Variants in PRKCA observed in about 807,000 individuals in gnomAD.
The protein encoded by PRKCA is protein kinase C alpha type.
Under a neutral mutation model 87.0 loss-of-function variants are expected in PRKCA, and 27 were observed. The observed-to-expected ratio is 0.31, with a 90% CI of 0.23 to 0.43. PRKCA has a LOEUF of 0.43. Ranked by LOEUF, PRKCA falls within the 20% of genes least tolerant of loss-of-function variation. The probability of loss-of-function intolerance (pLI) is 1.00; values close to 1 mark genes in which losing one functional copy is unlikely to be tolerated. For synonymous variants in PRKCA, 329 were observed against 311.1 expected, an observed-to-expected ratio of 1.06 and a Z score of -0.61; for missense variants, 518 against 852.3, an observed-to-expected ratio of 0.61 and a Z score of 4.88.
chr17:66,504,133 T>C (rs1275611737), intron 3 of PRKCA, among the ~76,000 whole-genome samples: 1 of 152,226 alleles, frequency 6.6e-6, no homozygotes, highest in Non-Finnish European at 1.5e-5. Flanking sequence ...TAAAGTTGCC[T>C]TCAGCCCCAA....
intron 3 of PRKCA, among the ~76,000 whole-genome samples, chr17:66,574,941 T>C (rs1969189779): frequency 6.6e-6 from 1 of 152,238 alleles, no homozygotes; most frequent in African/African-American, 2.4e-5. Context: ...TCTGAAAATA[T>C]CATACTGTTG....
intron 8 of PRKCA, among the ~76,000 whole-genome samples, chr17:66,712,605 CCTTCTCCTTAAAGACTGTCCCT>C (rs1239984905): frequency 6.6e-6 from 1 of 152,146 alleles, no homozygotes; most frequent in Non-Finnish European, 1.5e-5. Flanking sequence ...GTCCCTGTCC[CCTTCTCCTTAAAGACTGTCCCT>C]CTTCTCCCAC....
chr17:66,788,032 T>G (rs908266543), intron 15 of PRKCA, among the ~76,000 whole-genome samples: 1 of 152,190 alleles, frequency 6.6e-6, no homozygotes, highest in Non-Finnish European at 1.5e-5. Context: ...TGTGTTTTGG[T>G]GAAGATATGC....
intron 5 of PRKCA, among the ~76,000 whole-genome samples, chr17:66,664,618 T>A (rs75971739): frequency 7.0e-6 from 1 of 143,442 alleles, no homozygotes; most frequent in East Asian, 2.1e-4. Flanking sequence ...CTCAATTTCT[T>A]GTTTCTTTGG....
At chr17:66,744,517 C>G (rs373009727) in intron 13 of PRKCA, among the ~76,000 whole-genome samples, 13 of 152,312 alleles carry the variant, frequency 8.5e-5, no homozygotes, top group South Asian at 4.1e-4. Context: ...CCTGTTCCGA[C>G]AAATAGCTCC....
chr17:66,585,529 C>A (rs1969566765), intron 3 of PRKCA, among the ~76,000 whole-genome samples: 1 of 152,226 alleles, frequency 6.6e-6, no homozygotes, highest in African/African-American at 2.4e-5. Flanking sequence ...AATAAGATTA[C>A]ATTCTCAGGT....
At chr17:66,548,678 G>GATA (rs1418249331) in intron 3 of PRKCA, among the ~76,000 whole-genome samples, 1 of 152,086 alleles carries the variant, frequency 6.6e-6, no homozygotes, top group African/African-American at 2.4e-5. Flanking sequence ...TATCTGCATG[G>GATA]GCCCTAAATG....
At chr17:66,438,421 G>A (rs759570119) in intron 2 of PRKCA, among the ~76,000 whole-genome samples, 5 of 152,120 alleles carry the variant, frequency 3.3e-5, no homozygotes, top group Non-Finnish European at 7.4e-5. Context: ...GCCCAAACCT[G>A]TGAACACCCA....
chr17:66,573,042 G>C (rs529909747), intron 3 of PRKCA, among the ~76,000 whole-genome samples: 16 of 152,088 alleles, frequency 1.1e-4, no homozygotes, highest in Non-Finnish European at 2.2e-4. Context: ...TGTAAGAGCT[G>C]CGTTCTGTCT....
At chr17:66,786,506 A>G (rs772970290) in intron 14 of PRKCA, among the ~76,000 whole-genome samples, 1 of 152,240 alleles carries the variant, frequency 6.6e-6, no homozygotes, top group Non-Finnish European at 1.5e-5. Context: ...CCACAAAGCC[A>G]TCTGTAACCT....
At chr17:66,556,241 A>C (rs933136355) in intron 3 of PRKCA, among the ~76,000 whole-genome samples, 1 of 152,032 alleles carries the variant, frequency 6.6e-6, no homozygotes, top group Admixed American at 6.6e-5. Flanking sequence ...AACATCTACT[A>C]AAATATGCAT....
At chr17:66,559,276 G>T (rs1166865603) in intron 3 of PRKCA, among the ~76,000 whole-genome samples, 2 of 151,722 alleles carry the variant, frequency 1.3e-5, no homozygotes, top group Non-Finnish European at 2.9e-5. Flanking sequence ...TTCAAGACCA[G>T]CCTGGCCAAG....
chr17:66,381,708 C>T (rs16959092), intron 2 of PRKCA, among the ~76,000 whole-genome samples: 6,754 of 152,302 alleles, frequency 0.044, 173 homozygotes, highest in East Asian at 0.096. Flanking sequence ...ACCATCCCCA[C>T]TGTCTTCCAG....
chr17:66,537,149 T>A (rs1316816756), intron 3 of PRKCA, among the ~76,000 whole-genome samples: 1 of 152,228 alleles, frequency 6.6e-6, no homozygotes, highest in Non-Finnish European at 1.5e-5. Flanking sequence ...GACTCTTGCC[T>A]ACCCAAAATC....
At chr17:66,426,927 C>A (rs1324403980) in intron 2 of PRKCA, among the ~76,000 whole-genome samples, 3 of 152,114 alleles carry the variant, frequency 2.0e-5, no homozygotes, top group African/African-American at 7.2e-5. Flanking sequence ...ATTAATTAAC[C>A]CTGGGGTTTT....
At chr17:66,506,056 G>A (rs1049371509) in intron 3 of PRKCA, among the ~76,000 whole-genome samples, 4 of 152,160 alleles carry the variant, frequency 2.6e-5, no homozygotes, top group African/African-American at 9.7e-5. Flanking sequence ...AGCACTTTGG[G>A]AGGTCAAGGC....
rs187546529 is a variant in PRKCA, at chr17:66,391,755, T to C, written c.205+85628T>C. Among the ~76,000 whole-genome samples the C allele has an allele frequency of 3.3e-5, 5 of 152,274 alleles. No individual in the cohort carries two copies. The East Asian group carries it at 9.7e-4, about 29-fold the overall frequency. ...GTACAGAGCAATGAACACTTGGGTA[T>C]TCCTCTGTCTGGATCCAGCAACTGT... is the stretch of plus-strand genomic sequence containing the variant. On this transcript the variant is annotated intron_variant, in intron 2 of 16. Coordinates refer to ENST00000413366, the MANE Select transcript of PRKCA (RefSeq NM_002737.3).
At chr17:66,670,733 G>T (rs751834074) in intron 5 of PRKCA, among the ~76,000 whole-genome samples, 1 of 151,916 alleles carries the variant, frequency 6.6e-6, no homozygotes, top group Non-Finnish European at 1.5e-5. Flanking sequence ...GTGATGGCGT[G>T]TGTCTGTAGT....
intron 3 of PRKCA, among the ~76,000 whole-genome samples, chr17:66,594,723 C>T (rs1387522204): frequency 6.6e-6 from 1 of 152,118 alleles, no homozygotes; most frequent in African/African-American, 2.4e-5. Flanking sequence ...GGAGATGGAA[C>T]CCAGCTCCTC....
Sources: gnomAD v4.1 joint callset for allele counts (sites outside exome capture counted in the v4.1 genomes callset) on GRCh38, gnomAD v4.1.1 for gene constraint, MANE v1.5 for transcripts, NCBI Gene and HGNC (gene_info 2026-07-23, HGNC 2026-07-21) for gene names.